The following HDAC9 variants were observed in gnomAD, a reference collection of about 807,000 sequenced individuals.
HDAC9 encodes MEF-2 interacting transcription repressor (MITR) protein.
In HDAC9, 41 loss-of-function variants were observed where a neutral mutation model predicts 139.4. That is an observed-to-expected ratio of 0.29 (90% CI 0.23 to 0.38). The LOEUF (loss-of-function observed/expected upper bound fraction) is 0.38. HDAC9 is among the 10% of genes least tolerant of loss of function. HDAC9 has a pLI of 1.00. For synonymous variants in HDAC9, 517 were observed against 476.2 expected, an observed-to-expected ratio of 1.09 and a Z score of -1.12; for missense variants, 1,147 against 1,297.0, an observed-to-expected ratio of 0.88 and a Z score of 1.78.
At chr7:18,394,384 GCAT>G (rs1786832240) in intron 1 of HDAC9, among the ~76,000 whole-genome samples, 1 of 152,130 alleles carries the variant, frequency 6.6e-6, no homozygotes, top group Non-Finnish European at 1.5e-5. Context: ...ATATTGCTCA[GCAT>G]CATTTTCCTA....
At chr7:18,233,974 A>G (rs1321068258) in intron 2 of HDAC9, among the ~76,000 whole-genome samples, 2 of 151,990 alleles carry the variant, frequency 1.3e-5, no homozygotes, top group African/African-American at 2.4e-5. Context: ...CATCAATTAC[A>G]TTCATAGTTT....
At chr7:18,472,875 GT>G (rs1490409072) in intron 1 of HDAC9, among the ~76,000 whole-genome samples, 2 of 152,156 alleles carry the variant, frequency 1.3e-5, no homozygotes, top group Non-Finnish European at 2.9e-5. Flanking sequence ...CTTGTCTCTG[GT>G]TTATCCCAGT....
At chr7:18,460,342 A>G (rs1793725769) in intron 1 of HDAC9, among the ~76,000 whole-genome samples, 1 of 152,164 alleles carries the variant, frequency 6.6e-6, no homozygotes, top group African/African-American at 2.4e-5. Flanking sequence ...GACAGGGGCT[A>G]AGCTTGGTTT....
chr7:18,491,700 C>T (rs1268880140), upstream of HDAC9, among the ~76,000 whole-genome samples: 1 of 151,936 alleles, frequency 6.6e-6, no homozygotes, highest in Non-Finnish European at 1.5e-5. Context: ...TGTGATAATG[C>T]AGTTCTCGTG....
At chr7:18,799,999 A>C (rs570731492) in intron 17 of HDAC9, among the ~76,000 whole-genome samples, 1 of 152,326 alleles carries the variant, frequency 6.6e-6, no homozygotes, top group African/African-American at 2.4e-5. Context: ...TGAGAAAAAA[A>C]TCTTAAAAAC....
chr7:18,828,023 T>C (rs1795581758), intron 17 of HDAC9, among the ~76,000 whole-genome samples: 1 of 152,154 alleles, frequency 6.6e-6, no homozygotes, highest in Non-Finnish European at 1.5e-5. Flanking sequence ...CATTATGTTA[T>C]ATGATTCTAA....
intron 25 of HDAC9, among the ~76,000 whole-genome samples, chr7:18,990,939 C>T (rs1351001333): frequency 6.6e-6 from 1 of 152,238 alleles, no homozygotes; most frequent in African/African-American, 2.4e-5. Flanking sequence ...CCTGCGCCCA[C>T]TGTCTGGCAC....
At chr7:18,949,827 A>T (rs765406856) in intron 23 of HDAC9, 1 of 152,100 alleles carries the variant, frequency 6.6e-6, no homozygotes, top group Non-Finnish European at 1.5e-5. Flanking sequence ...ACTCCAGAGA[A>T]CAAACACACA....
intron 1 of HDAC9, among the ~76,000 whole-genome samples, chr7:18,418,945 T>G (rs977977879): frequency 6.6e-6 from 1 of 152,142 alleles, no homozygotes; most frequent in Non-Finnish European, 1.5e-5. Context: ...AGAGAAGTAA[T>G]GTTTGTTTGT....
intron 16 of HDAC9, among the ~76,000 whole-genome samples, chr7:18,786,193 C>A (rs1791699032): frequency 2.0e-5 from 3 of 151,992 alleles, no homozygotes; most frequent in African/African-American, 7.2e-5. Flanking sequence ...CCTTTTTATC[C>A]CTTATTCTGG....
chr7:18,468,967 T>C (rs551119513), intron 1 of HDAC9, among the ~76,000 whole-genome samples: 10 of 152,328 alleles, frequency 6.6e-5, no homozygotes, highest in African/African-American at 2.4e-4. Context: ...GTTACCTTGG[T>C]CATCTGTCTC....
intron 6 of HDAC9, 97 bp downstream of exon 6, chr7:18,594,126 C>T (rs1002652361): frequency 1.1e-5 from 15 of 1,325,782 alleles, no homozygotes; most frequent in South Asian, 9.2e-5. Context: ...GGATTTGAGT[C>T]GTAGATAATA....
At chr7:18,576,677 G>T (rs1255767935) in intron 2 of HDAC9, among the ~76,000 whole-genome samples, 1 of 148,760 alleles carries the variant, frequency 6.7e-6, no homozygotes. Flanking sequence ...AAAAAAATCA[G>T]GAGTAGGAAA....
rs116604745 is a variant in HDAC9, at chr7:18,874,308, G to A, written c.2685-170G>A. On this transcript the variant is annotated intron_variant, in intron 21 of 25. Coordinates refer to ENST00000686413, the MANE Select transcript of HDAC9 (RefSeq NM_178425.4). ...TGAATTGGGATGCTAAAATAACAGC[G>A]ATTTATTATTAAGGAAATGATACGC... Among the ~76,000 whole-genome samples the A allele has an allele frequency of 4.5e-3, 679 of 151,756 alleles. 5 individuals carry two copies. The highest frequency in any genetic ancestry group is 0.016 in the African/African-American group (642 of 41,370).
intron 1 of HDAC9, chr7:18,162,148 A>G (rs756471634): frequency 8.3e-6 from 5 of 601,654 alleles, no homozygotes; most frequent in Non-Finnish European, 1.5e-5. Flanking sequence ...GTCGACACTC[A>G]AGGCCAGTTC....
At chr7:18,372,827 T>C (rs1477693541) in intron 1 of HDAC9, among the ~76,000 whole-genome samples, 1 of 152,142 alleles carries the variant, frequency 6.6e-6, no homozygotes, top group Non-Finnish European at 1.5e-5. Flanking sequence ...CTGTTACAGA[T>C]TGTAAAAAGG....
At chr7:18,445,456 T>C (rs1792201748) in intron 1 of HDAC9, among the ~76,000 whole-genome samples, 1 of 152,220 alleles carries the variant, frequency 6.6e-6, no homozygotes, top group Admixed American at 6.5e-5. Context: ...TCCCTAACTA[T>C]ATTGTCAAAG....
chr7:18,968,192 G>T (rs974070049), intron 24 of HDAC9, among the ~76,000 whole-genome samples: 1 of 152,098 alleles, frequency 6.6e-6, no homozygotes. Flanking sequence ...AGAAACTTCA[G>T]CAAGACAGTT....
chr7:18,386,126 C>T (rs1340583113), intron 1 of HDAC9, among the ~76,000 whole-genome samples: 1 of 152,158 alleles, frequency 6.6e-6, no homozygotes, highest in Non-Finnish European at 1.5e-5. Context: ...TCAGGCTCAG[C>T]TTAACTCATC....
Sources: allele counts gnomAD v4.1 joint callset (sites outside exome capture counted in the v4.1 genomes callset), GRCh38; gene constraint gnomAD v4.1.1; transcripts MANE v1.5; gene names NCBI Gene and HGNC (gene_info 2026-07-23, HGNC 2026-07-21).